Variants in KIF14 observed in about 807,000 individuals in gnomAD.
KIF14 encodes the protein kinesin family member 14, also known as kinesin-like protein KIF14.
Under a neutral mutation model 176.2 loss-of-function variants are expected in KIF14, and 98 were observed. That is an observed-to-expected ratio of 0.56 (90% CI 0.47 to 0.66). The LOEUF (loss-of-function observed/expected upper bound fraction) is 0.66, where lower values mean the gene tolerates loss of function less well. Among genes scored for constraint, KIF14 ranks in the 30% least tolerant of loss-of-function variants. The pLI is 0.00. For synonymous variants in KIF14, 566 were observed against 632.2 expected, an observed-to-expected ratio of 0.90 and a Z score of 1.57; for missense variants, 1,751 against 1,920.4, an observed-to-expected ratio of 0.91 and a Z score of 1.65.
At chr1:200,599,616 T>C (rs12088975) in intron 13 of KIF14, among the ~76,000 whole-genome samples, 1,552 of 152,336 alleles carry the variant, frequency 0.01, 15 homozygotes, top group South Asian at 0.022. Context: ...AACCATGCTT[T>C]ACCTACAAAA....
At position 200,620,568 on chromosome 1, in the gene KIF14, G is replaced by C. The variant is rs1305205398; in HGVS notation, c.-273C>G. The stretch of plus-strand genomic sequence containing the variant: ...TGGAATGCTGAGGAACTGAATGGGG[G>C]ACTGGAGCTAAGACCACCCGCCCGC... On this transcript the variant is annotated 5_prime_UTR_variant, in exon 1 of 30. Transcript: ENST00000367350. 6.7e-6 allele frequency: 1 copy of C among 150,094 alleles called. No individual in the cohort carries two copies. Among genetic ancestry groups the C allele is most frequent in the Non-Finnish European group, 1.5e-5 (1 of 68,146 alleles). The allele number at this position is 150,094 out of a possible 1,614,324, so 9.3% of individuals were successfully genotyped here. A position where few individuals can be genotyped will look rare whatever the true frequency, so the allele number is the denominator to read the frequency against.
At chr1:200,588,246 T>TGG (rs1553257796) in intron 18 of KIF14, among the ~76,000 whole-genome samples, 10 of 123,002 alleles carry the variant, frequency 8.1e-5, no homozygotes, top group African/African-American at 4.1e-4. Flanking sequence ...TTTGTTTGTT[T>TGG]TGTTTTTTTT....
At chr1:200,575,762 G>A in intron 21 of KIF14, 71 bp from the exon 22 acceptor site, 5 of 785,844 alleles carry the variant, frequency 6.4e-6, no homozygotes, top group Non-Finnish European at 9.9e-6. Context: ...AGAAAAAAAA[G>A]ATTAAATCCT....
At position 200,618,119 on chromosome 1, in the gene KIF14, G is replaced by A. The variant is rs1454574435; in HGVS notation, c.605C>T (p.Ala202Val). 13 of 1,614,042 alleles carry A rather than the reference G, an allele frequency of 8.1e-6. No homozygotes were observed. Among genetic ancestry groups the A allele is most frequent in the Non-Finnish European group, 1.1e-5 (13 of 1,180,020 alleles). Residue 202 changes from alanine to valine, a missense_variant, in exon 2 of 30, where the codon GCC becomes GTC. Transcript: ENST00000367350. ...AACATTTTCATTTGCTCTACTGGGG[G>A]CAGAAAATGTTTCTTTGTATTTCTT... ...ADKKYKETFS[A>V]PSRANENVAL...
intron 12 of KIF14, 72 bp from the exon 13 acceptor site, chr1:200,600,185 C>A: frequency 7.9e-7 from 1 of 1,271,986 alleles, no homozygotes; most frequent in South Asian, 1.3e-5. Context: ...AAGAGACAAT[C>A]AATGAAAATT....
rs548550733 is a variant in KIF14 at position 200,554,370 on chromosome 1, G to A, written c.4567+98C>T. On this transcript the variant is annotated intron_variant, in intron 29 of 29. Transcript: ENST00000367350. ...CGAGCCACTGCACTCCAGCCTGAGT[G>A]ACAGAGCGAGACTCCATCTCAAAAA... 7.5e-5 allele frequency: 59 copies of A among 790,184 alleles called. 1 individual carries two copies. The highest frequency in any genetic ancestry group is 1.1e-4 in the Non-Finnish European group (54 of 504,258). The allele number at this position is 790,184 out of a possible 1,614,324, so 48.9% of individuals were successfully genotyped here. A position where few individuals can be genotyped will look rare whatever the true frequency, so the allele number is the denominator to read the frequency against.
chr1:200,570,135 G>A, intron 22 of KIF14, 130 bp from the exon 23 acceptor site: 1 of 479,892 alleles, frequency 2.1e-6, no homozygotes, highest in Non-Finnish European at 3.6e-6. Flanking sequence ...TTTCATCAAA[G>A]GAAAAATTCA....
chr1:200,590,098 A>C (rs1270345047), intron 17 of KIF14, 27 bp downstream of exon 17: 1 of 1,587,378 alleles, frequency 6.3e-7, no homozygotes, highest in South Asian at 1.1e-5. Flanking sequence ...GTCGGAAAAA[A>C]AAAATAAAAC....
chr1:200,565,609 A>G lies in KIF14; in HGVS notation c.3722T>C (p.Ile1241Thr). The G allele has an allele frequency of 1.2e-6, 2 of 1,611,712 alleles. No individual in the cohort carries two copies. Among genetic ancestry groups the G allele is most frequent in the African/African-American group, 2.7e-5 (2 of 74,964 alleles). ...SNSAESFLPG[I>T]CKELIGSSLD... ...CGAAGAACCAATCAATTCTTTGCAA[A>G]TTCCAGGAAGAAAGGACTCTGCTGA... The change falls in exon 24 of 30, where the codon ATT (isoleucine) becomes ACT (threonine). Residue 1241 changes from isoleucine (I) to threonine (T), a missense_variant. Ile to Thr is a moderately conservative substitution (Grantham distance 89). Transcript: ENST00000367350.
At chr1:200,596,790 C>T (rs1442202712) in intron 14 of KIF14, among the ~76,000 whole-genome samples, 1 of 151,502 alleles carries the variant, frequency 6.6e-6, no homozygotes, top group Non-Finnish European at 1.5e-5. Flanking sequence ...ATGTTGAACT[C>T]CTGGTCTCAA....
intron 11 of KIF14, 62 bp from the exon 12 acceptor site, chr1:200,600,565 A>G (rs1659577134): frequency 3.5e-6 from 4 of 1,138,546 alleles, no homozygotes; most frequent in African/African-American, 1.6e-5. Context: ...TTCCACAGTA[A>G]GCATAATCCT....
intron 3 of KIF14, among the ~76,000 whole-genome samples, chr1:200,615,091 C>A (rs1245180682): frequency 2.0e-5 from 3 of 152,034 alleles, no homozygotes; most frequent in East Asian, 1.9e-4. Context: ...CCTCTCTAGG[C>A]CTTAGTTTAT....
intron 5 of KIF14, among the ~76,000 whole-genome samples, chr1:200,608,310 G>A (rs1407305178): frequency 6.6e-6 from 1 of 151,498 alleles, no homozygotes; most frequent in East Asian, 1.9e-4. Flanking sequence ...TTAAAATAAA[G>A]AGGTTAAATC....
intron 9 of KIF14, 88 bp from the exon 10 acceptor site, chr1:200,603,429 T>C: frequency 1.5e-6 from 1 of 682,450 alleles, no homozygotes. Flanking sequence ...CCTCATATAA[T>C]TACTGAGTAA....
intron 5 of KIF14, among the ~76,000 whole-genome samples, chr1:200,607,785 T>C (rs1212135460): frequency 6.6e-6 from 1 of 152,044 alleles, no homozygotes; most frequent in Non-Finnish European, 1.5e-5. Flanking sequence ...CACTGAAACC[T>C]CTGCCCCCGG....
At chr1:200,593,559 T>C in intron 15 of KIF14, 108 bp downstream of exon 15, 3 of 757,900 alleles carry the variant, frequency 4.0e-6, no homozygotes, top group Non-Finnish European at 6.7e-6. Context: ...AAAAAGTCCT[T>C]AATCTGCTTC....
In KIF14 at chr1:200,618,550, A is replaced by G; in HGVS notation, c.174T>C (p.Gly58=). 6.2e-7 allele frequency: 1 copy of G among 1,614,162 alleles called. No homozygotes were observed. The highest frequency in any genetic ancestry group is 8.5e-7 in the Non-Finnish European group (1 of 1,180,014). The stretch of plus-strand genomic sequence containing the variant: ...AAGTTCTATTTATGTCTCTGACTTT[A>G]CCTGCAGATCTCAATAATGGATCAT... ...ENDDPLLRSA[G]KVRDINRTYV... is the part of the protein sequence containing the mutation. The change falls in exon 2 of 30, where the codon GGT becomes GGC. Residue 58 remains glycine, a synonymous_variant. Coordinates refer to ENST00000367350, the MANE Select transcript of KIF14 (RefSeq NM_014875.3).
chr1:200,569,813 G>A lies in KIF14; in HGVS notation c.3661+98C>T, dbSNP rs894491359. The A allele has an allele frequency of 2.8e-5, 17 of 608,826 alleles. No homozygotes were observed. In the African/African-American group the frequency reaches 3.1e-4, roughly 11 times the overall value. The allele number at this position is 608,826 out of a possible 1,614,324, so 37.7% of individuals were successfully genotyped here. ...TTACAGAGGAATCAGAAGCTTCCAG[G>A]AAATGAAATGATTTGCACACGGATA... On this transcript the variant is annotated intron_variant, in intron 23 of 29. Transcript: ENST00000367350.
intron 14 of KIF14, 70 bp downstream of exon 14, chr1:200,598,167 A>G (rs1464380944): frequency 1.5e-6 from 2 of 1,358,336 alleles, no homozygotes; most frequent in South Asian, 1.3e-5. Context: ...AATATGCCAT[A>G]TGAAGGAAAC....
Sources: allele counts gnomAD v4.1 joint callset (sites outside exome capture counted in the v4.1 genomes callset), GRCh38; gene constraint gnomAD v4.1.1; transcripts MANE v1.5; gene names NCBI Gene and HGNC (gene_info 2026-07-23, HGNC 2026-07-21).